The following APP variants were observed in gnomAD, a reference collection of about 807,000 sequenced individuals.
APP encodes amyloid beta precursor protein.
Under a neutral mutation model 101.4 loss-of-function variants are expected in APP, and 31 were observed. The ratio of observed to expected loss-of-function variants is 0.31; its 90% CI spans 0.23 to 0.41. The LOEUF (loss-of-function observed/expected upper bound fraction) is 0.41, where lower values mean the gene tolerates loss of function less well. Among genes scored for constraint, APP ranks in the 10% least tolerant of loss-of-function variants. The pLI, the probability that APP is intolerant of heterozygous loss-of-function variation, is 1.00. For synonymous variants in APP, 366 were observed against 364.4 expected (o/e 1.00, Z -0.05); for missense variants, 839 against 1,003.7 (o/e 0.84, Z 2.22).
In APP at chr21:26,019,346, T is replaced by C. The variant is rs924383155; in HGVS notation, c.865+2494A>G. On this transcript the variant is annotated intron_variant, in intron 6 of 17. Coordinates refer to ENST00000346798, the MANE Select transcript of APP (RefSeq NM_000484.4). Reference sequence around the variant, plus strand: ...CCTTTCCATGGCACCACATTTGTTTTGCTAGTCCTGATGACTCTACAGCAA... The same window carrying C: ...CCTTTCCATGGCACCACATTTGTTTCGCTAGTCCTGATGACTCTACAGCAA... 2.0e-5 allele frequency among the ~76,000 whole-genome samples: 3 copies of C among 152,322 alleles called. No individual in the cohort carries two copies. The South Asian group carries it at 6.2e-4, about 32-fold the overall frequency.
At position 26,112,012 on chromosome 21, in the gene APP, A is replaced by T; in HGVS notation, c.192T>A (p.Asp64Glu). ...SDPSGTKTCI[D>E]TKEGILQYCQ... ...AATACTGCAGGATGCCTTCCTTGGT[A>T]TCAATGCAGGTTTTGGTCCCTGATG... Residue 64 changes from aspartate to glutamate, a missense_variant, in exon 2 of 18, where the codon GAT becomes GAA. Coordinates refer to ENST00000346798, the MANE Select transcript of APP (RefSeq NM_000484.4). 1.2e-6 allele frequency: 2 copies of T among 1,614,124 alleles called. No homozygotes were observed. Among genetic ancestry groups the T allele is most frequent in the Non-Finnish European group, 8.5e-7 (1 of 1,180,012 alleles).
intron 1 of APP, 24 bp downstream of exon 1, chr21:26,170,540 C>G: frequency 6.5e-7 from 1 of 1,536,806 alleles, no homozygotes; most frequent in Non-Finnish European, 8.7e-7. Context: ...AGCCTCCCCC[C>G]GCCTTCCGAG....
intron 5 of APP, among the ~76,000 whole-genome samples, chr21:26,029,716 C>T (rs1264062921): frequency 6.6e-6 from 1 of 152,156 alleles, no homozygotes; most frequent in African/African-American, 2.4e-5. Context: ...TCTTGGCAAA[C>T]TGCAACCCGC....
chr21:25,932,546 T>C (rs1220536031), intron 13 of APP, among the ~76,000 whole-genome samples: 1 of 152,190 alleles, frequency 6.6e-6, no homozygotes, highest in Non-Finnish European at 1.5e-5. Context: ...CTTCAAACTT[T>C]TTCTAATCCC....
At chr21:26,054,221 G>A (rs2045947327) in intron 3 of APP, among the ~76,000 whole-genome samples, 1 of 152,130 alleles carries the variant, frequency 6.6e-6, no homozygotes, top group Non-Finnish European at 1.5e-5. Flanking sequence ...CCTCAAAGAA[G>A]AAACAATATT....
At chr21:26,112,320 T>C (rs1468713219) in intron 1 of APP, among the ~76,000 whole-genome samples, 174 bp from the exon 2 acceptor site, 1 of 152,210 alleles carries the variant, frequency 6.6e-6, no homozygotes, top group East Asian at 1.9e-4. Flanking sequence ...CAGATGTTCT[T>C]AGCCACCTAT....
At chr21:26,029,452 G>GT (rs2044723211) in intron 5 of APP, among the ~76,000 whole-genome samples, 1 of 147,780 alleles carries the variant, frequency 6.8e-6, no homozygotes, top group Non-Finnish European at 1.5e-5. Context: ...ACCCAAAAGA[G>GT]TGAGTGCTAG....
At chr21:26,153,786 C>A (rs1187405614) in intron 1 of APP, among the ~76,000 whole-genome samples, 1 of 152,104 alleles carries the variant, frequency 6.6e-6, no homozygotes, top group Non-Finnish European at 1.5e-5. Context: ...ATGAGAAGTC[C>A]TGAGGATCAA....
intron 5 of APP, among the ~76,000 whole-genome samples, chr21:26,047,703 T>A (rs1044401444): frequency 2.6e-5 from 4 of 152,190 alleles, no homozygotes; most frequent in African/African-American, 9.7e-5. Context: ...ATACAAACCG[T>A]CTGTCTTAAT....
At chr21:25,949,234 T>A (rs575837752) in intron 13 of APP, among the ~76,000 whole-genome samples, 31 of 152,170 alleles carry the variant, frequency 2.0e-4, no homozygotes, top group Non-Finnish European at 4.1e-4. Flanking sequence ...TTCACACTTA[T>A]TTGTCATGGG....
chr21:26,142,607 A>G lies in APP; in HGVS notation c.57+27957T>C, dbSNP rs536020397. Among the ~76,000 whole-genome samples the G allele has an allele frequency of 6.2e-4, 94 of 152,202 alleles. 3 individuals carry two copies. In the South Asian group the frequency reaches 0.018, roughly 30 times the overall value. On this transcript the variant is annotated intron_variant, in intron 1 of 17. Coordinates refer to ENST00000346798, the MANE Select transcript of APP (RefSeq NM_000484.4). ...AACACAGCAAGACCCCATCTCTACA[A>G]AAAATCTTTAAAACTGCTGGGCCTG...
At chr21:26,042,975 T>G (rs187379513) in intron 5 of APP, among the ~76,000 whole-genome samples, 2 of 152,304 alleles carry the variant, frequency 1.3e-5, no homozygotes, top group Admixed American at 1.3e-4. Context: ...AGAGGTTTAG[T>G]GCCCTTCATT....
intron 9 of APP, among the ~76,000 whole-genome samples, chr21:25,977,269 TC>T (rs2042259002): frequency 6.6e-6 from 1 of 152,234 alleles, no homozygotes; most frequent in Non-Finnish European, 1.5e-5. Context: ...AGCTGCCTTT[TC>T]AAGTGTATGA....
At chr21:26,089,901 C>G in intron 3 of APP, 42 bp downstream of exon 3, 2 of 1,612,946 alleles carry the variant, frequency 1.2e-6, no homozygotes, top group Non-Finnish European at 1.7e-6. Context: ...CCCTCAAGAC[C>G]AGGCCCCCAA....
chr21:26,049,300 G>A (rs2045739279), intron 5 of APP, among the ~76,000 whole-genome samples: 1 of 152,152 alleles, frequency 6.6e-6, no homozygotes, highest in South Asian at 2.1e-4. Flanking sequence ...TACAAGAGTT[G>A]CTGAAGTACA....
At chr21:26,087,076 C>A (rs1489173607) in intron 3 of APP, among the ~76,000 whole-genome samples, 1 of 152,150 alleles carries the variant, frequency 6.6e-6, no homozygotes, top group Non-Finnish European at 1.5e-5. Flanking sequence ...TATTGGAAAA[C>A]CTATGTTTTT....
intron 6 of APP, among the ~76,000 whole-genome samples, chr21:26,007,206 A>G (rs911394563): frequency 6.6e-6 from 1 of 151,736 alleles, no homozygotes; most frequent in African/African-American, 2.4e-5. Flanking sequence ...TTTTAAGTAG[A>G]GTAAAAAGGG....
chr21:26,004,691 T>C (rs1601179566), intron 6 of APP, among the ~76,000 whole-genome samples: 2 of 152,330 alleles, frequency 1.3e-5, no homozygotes, highest in Admixed American at 6.5e-5. Flanking sequence ...CTAGGGTACA[T>C]GTGCACAACG....
intron 13 of APP, among the ~76,000 whole-genome samples, chr21:25,914,549 CTTTTTTTT>C (rs10647133): frequency 8.7e-6 from 1 of 114,810 alleles, no homozygotes; most frequent in Non-Finnish European, 1.7e-5. Context: ...CACAAGGCGC[CTTTTTTTT>C]TTTTTTTTTT....
Sources: gnomAD v4.1 joint callset for allele counts (sites outside exome capture counted in the v4.1 genomes callset) on GRCh38, gnomAD v4.1.1 for gene constraint, MANE v1.5 for transcripts, NCBI Gene and HGNC (gene_info 2026-07-23, HGNC 2026-07-21) for gene names.